WWOX: variants seen among roughly 807,000 people sequenced by gnomAD.
The protein encoded by WWOX is WW domain-containing oxidoreductase.
A neutral mutation model predicts 46.2 loss-of-function variants in WWOX; 69 were observed. That is an observed-to-expected ratio of 1.49 (90% CI 1.23 to 1.82). WWOX has a LOEUF of 1.82. WWOX is among the 40% of genes most tolerant of loss of function. The pLI is 0.00. For synonymous variants in WWOX, 359 were observed against 202.6 expected, an observed-to-expected ratio of 1.77 and a Z score of -6.56; for missense variants, 919 against 542.6, an observed-to-expected ratio of 1.69 and a Z score of -6.89.
At chr16:79,058,218 C>T (rs2048300410) in intron 8 of WWOX, among the ~76,000 whole-genome samples, 1 of 151,884 alleles carries the variant, frequency 6.6e-6, no homozygotes, top group Non-Finnish European at 1.5e-5. Context: ...CAGGTGTGCC[C>T]TCCTTCCAAG....
chr16:78,621,485 A>G (rs2046180188), intron 8 of WWOX, among the ~76,000 whole-genome samples: 1 of 150,378 alleles, frequency 6.6e-6, no homozygotes, highest in East Asian at 2.0e-4. Context: ...CCCTCTACTT[A>G]GATACACATT....
chr16:78,509,040 C>T (rs11640947), intron 8 of WWOX, among the ~76,000 whole-genome samples: 1 of 152,310 alleles, frequency 6.6e-6, no homozygotes, highest in East Asian at 1.9e-4. Context: ...TGTGTGTGTG[C>T]GTGCACACCT....
At chr16:78,996,384 C>T (rs865813698) in intron 8 of WWOX, 22 of 787,496 alleles carry the variant, frequency 2.8e-5, no homozygotes, top group African/African-American at 6.5e-5. Context: ...CCACCCCCGC[C>T]CCCCAGCTTC....
intron 5 of WWOX, among the ~76,000 whole-genome samples, chr16:78,232,815 AT>A (rs2037309618): frequency 1.3e-5 from 2 of 150,770 alleles, no homozygotes; most frequent in African/African-American, 4.9e-5. Flanking sequence ...AGGAATGAAT[AT>A]CTGTAGCTGT....
chr16:79,127,558 G>C (rs920721822), intron 8 of WWOX, among the ~76,000 whole-genome samples: 2 of 152,120 alleles, frequency 1.3e-5, no homozygotes, highest in East Asian at 1.9e-4. Context: ...ATTGCAAATT[G>C]TGCCGCAACG....
chr16:78,812,457 C>T (rs772065546), intron 8 of WWOX, among the ~76,000 whole-genome samples: 3 of 152,122 alleles, frequency 2.0e-5, no homozygotes, highest in Admixed American at 6.5e-5. Context: ...CATGGTGGCT[C>T]CTGCCTGTAA....
At chr16:78,749,354 C>G (rs1243934759) in intron 8 of WWOX, among the ~76,000 whole-genome samples, 1 of 152,062 alleles carries the variant, frequency 6.6e-6, no homozygotes, top group Non-Finnish European at 1.5e-5. Flanking sequence ...AAATTCAAAA[C>G]AAAACAATGT....
intron 8 of WWOX, among the ~76,000 whole-genome samples, chr16:78,819,069 A>T (rs1055666831): frequency 6.6e-6 from 1 of 152,230 alleles, no homozygotes; most frequent in Non-Finnish European, 1.5e-5. Flanking sequence ...GCACATGAGC[A>T]GGCCCATAGT....
chr16:79,130,125 T>A (rs909591864), intron 8 of WWOX, among the ~76,000 whole-genome samples: 1 of 152,156 alleles, frequency 6.6e-6, no homozygotes, highest in Non-Finnish European at 1.5e-5. Context: ...AGATGTGTAA[T>A]AGAAAGGGAA....
intron 5 of WWOX, among the ~76,000 whole-genome samples, chr16:78,320,849 T>A (rs765466768): frequency 6.6e-6 from 1 of 152,216 alleles, no homozygotes; most frequent in African/African-American, 2.4e-5. Flanking sequence ...TTTCTGTCTT[T>A]AATTGAAGCC....
intron 8 of WWOX, among the ~76,000 whole-genome samples, chr16:79,014,745 C>G (rs1317722003): frequency 6.6e-6 from 1 of 152,210 alleles, no homozygotes; most frequent in Admixed American, 6.5e-5. Context: ...GTGTACACAA[C>G]TAGTAAGTGG....
At chr16:78,334,924 T>TAAAAA (rs538880972) in intron 5 of WWOX, among the ~76,000 whole-genome samples, 2 of 140,492 alleles carry the variant, frequency 1.4e-5, no homozygotes, top group Non-Finnish European at 3.1e-5. Context: ...CATCTTTTTT[T>TAAAAA]AAAAAAAAAA....
Position 78,262,650 on chromosome 16 carries a change from TC to T in WWOX, c.516+98362del, listed in dbSNP as rs200008282. Among the ~76,000 whole-genome samples the T allele has an allele frequency of 4.9e-3, 740 of 152,180 alleles. 4 individuals carry two copies. The highest frequency in any genetic ancestry group is 0.017 in the African/African-American group (713 of 41,532). On this transcript the variant is annotated intron_variant, in intron 5 of 8. Coordinates refer to ENST00000566780, the MANE Select transcript of WWOX (RefSeq NM_016373.4). ...ATCTAATGAGAACAGTTGGAGAAGG[TC>T]AGGCAAAGGGGACAGGACAGGAACT...
At chr16:78,142,596 C>G (rs1047847432) in intron 4 of WWOX, among the ~76,000 whole-genome samples, 1 of 152,126 alleles carries the variant, frequency 6.6e-6, no homozygotes, top group Non-Finnish European at 1.5e-5. Flanking sequence ...TTAGGAAGAA[C>G]TTTGTGTGAA....
intron 8 of WWOX, among the ~76,000 whole-genome samples, chr16:78,842,328 T>TAAAA (rs34346754): frequency 8.5e-6 from 1 of 118,250 alleles, no homozygotes; most frequent in Non-Finnish European, 1.8e-5. Flanking sequence ...ACCCCATCTC[T>TAAAA]AAAAAAAAAA....
intron 8 of WWOX, among the ~76,000 whole-genome samples, chr16:78,609,523 T>C (rs975277617): frequency 6.6e-6 from 1 of 152,046 alleles, no homozygotes; most frequent in Non-Finnish European, 1.5e-5. Context: ...CTGAGGTTTT[T>C]TTTTTTCTTT....
At chr16:78,610,617 CTGTTTA>C (rs2045878799) in intron 8 of WWOX, among the ~76,000 whole-genome samples, 1 of 150,770 alleles carries the variant, frequency 6.6e-6, no homozygotes, top group Non-Finnish European at 1.5e-5. Context: ...TTCTGAAAGT[CTGTTTA>C]TATCTGTTGC....
rs1009850598 is a variant in WWOX at position 78,794,626 on chromosome 16, C to A, written c.1056+361874C>A. 1.1e-4 allele frequency among the ~76,000 whole-genome samples: 17 copies of A among 152,250 alleles called. 1 individual carries two copies. The highest frequency in any genetic ancestry group is 1.1e-3 in the Admixed American group (17 of 15,286). On this transcript the variant is annotated intron_variant, in intron 8 of 8. Coordinates refer to ENST00000566780, the MANE Select transcript of WWOX (RefSeq NM_016373.4). ...AAGTACCATCTTCATGTGGTCAGCA[C>A]AATGGCTGACACATAGCAAGACCTT...
chr16:78,176,840 A>G (rs1487062903), intron 5 of WWOX, among the ~76,000 whole-genome samples: 2 of 152,216 alleles, frequency 1.3e-5, no homozygotes, highest in Non-Finnish European at 2.9e-5. Flanking sequence ...GAAGGGTGCT[A>G]TTTTTAAGGC....
Sources: gnomAD v4.1 joint callset for allele counts (sites outside exome capture counted in the v4.1 genomes callset) on GRCh38, gnomAD v4.1.1 for gene constraint, MANE v1.5 for transcripts, NCBI Gene and HGNC (gene_info 2026-07-23, HGNC 2026-07-21) for gene names.